NANS: variants seen among roughly 807,000 people sequenced by gnomAD.
NANS encodes N-acetylneuraminate-9-phosphate synthase.
NANS carries 29 observed loss-of-function variants against 33.3 expected under a neutral mutation model. The ratio of observed to expected loss-of-function variants is 0.87; its 90% CI spans 0.65 to 1.19. The LOEUF (loss-of-function observed/expected upper bound fraction) is 1.19. Among genes scored for constraint, NANS ranks in the 50% most tolerant of loss-of-function variants. The pLI is 0.00. For synonymous variants in NANS, 163 were observed against 177.2 expected (o/e 0.92, Z 0.64); for missense variants, 394 against 461.1 (o/e 0.85, Z 1.33).
At chr9:98,061,515 C>G (rs1828979140) in intron 2 of NANS, among the ~76,000 whole-genome samples, 1 of 148,158 alleles carries the variant, frequency 6.7e-6, no homozygotes, top group Non-Finnish European at 1.5e-5. Context: ...GGCGCGGTGT[C>G]TCACACCTGT....
intron 1 of NANS, among the ~76,000 whole-genome samples, chr9:98,060,498 G>T (rs1395141252): frequency 6.6e-6 from 1 of 152,088 alleles, no homozygotes; most frequent in Admixed American, 6.6e-5. Context: ...GCGAAACCTT[G>T]TCTTTACTAA....
At chr9:98,070,675 C>T (rs1461982986) in intron 2 of NANS, among the ~76,000 whole-genome samples, 1 of 152,068 alleles carries the variant, frequency 6.6e-6, no homozygotes, top group Non-Finnish European at 1.5e-5. Flanking sequence ...CCACCTTGTC[C>T]TCCCAAAGTG....
Position 98,056,733 on chromosome 9 carries a change from C to A in NANS, c.-76C>A. On this transcript the variant is annotated 5_prime_UTR_variant, in exon 1 of 6. Transcript: ENST00000210444. ...CGTGTGGGTCTCGCAGCGTTGCTCA[C>A]AGAACAGAGTAGAGGCGGCGGCGGC... is the stretch of plus-strand genomic sequence containing the variant. 6.5e-7 allele frequency: 1 copy of A among 1,545,118 alleles called. No individual in the cohort carries two copies. Among genetic ancestry groups the A allele is most frequent in the South Asian group, 1.2e-5 (1 of 85,032 alleles).
At chr9:98,057,212 T>A (rs183201956) in intron 1 of NANS, among the ~76,000 whole-genome samples, 4 of 152,348 alleles carry the variant, frequency 2.6e-5, no homozygotes, top group Admixed American at 1.3e-4. Flanking sequence ...TCAGACTTGA[T>A]CAGACCATCC....
rs146545774 is a variant in NANS, at chr9:98,059,684, G to A, written c.133-1098G>A. ...CCCACCTTGGCCTCTCAAAGTGTTT[G>A]GATTATAGGCATGGGCCACTGTGCC... On this transcript the variant is annotated intron_variant, in intron 1 of 5. Coordinates refer to ENST00000210444, the MANE Select transcript of NANS (RefSeq NM_018946.4). Among the ~76,000 whole-genome samples the A allele has an allele frequency of 4.7e-3, 714 of 151,368 alleles. 4 individuals are homozygous for A. The highest frequency in any genetic ancestry group is 8.1e-3 in the Non-Finnish European group (550 of 67,912).
At chr9:98,063,342 A>T (rs1829041591) in intron 2 of NANS, among the ~76,000 whole-genome samples, 1 of 151,982 alleles carries the variant, frequency 6.6e-6, no homozygotes, top group African/African-American at 2.4e-5. Context: ...CCCAGGTTCA[A>T]GTTATTCTCA....
chr9:98,065,366 G>A (rs1020111802), intron 2 of NANS, among the ~76,000 whole-genome samples: 5 of 142,706 alleles, frequency 3.5e-5, no homozygotes, highest in East Asian at 2.1e-4. Flanking sequence ...AGGCTGGAGT[G>A]CAATCAATGG....
chr9:98,072,709 G>C (rs1362569594), intron 2 of NANS, among the ~76,000 whole-genome samples: 1 of 152,074 alleles, frequency 6.6e-6, no homozygotes, highest in African/African-American at 2.4e-5. Flanking sequence ...GTGCCCGGCA[G>C]GAAAGTGCAT....
At chr9:98,073,482 A>T (rs1184178904) in intron 2 of NANS, among the ~76,000 whole-genome samples, 1 of 149,958 alleles carries the variant, frequency 6.7e-6, no homozygotes, top group Admixed American at 6.6e-5. Flanking sequence ...GCGGGGTTTC[A>T]CCATGTTGGC....
intron 2 of NANS, among the ~76,000 whole-genome samples, chr9:98,065,650 T>C (rs1829125566): frequency 6.6e-6 from 1 of 151,716 alleles, no homozygotes; most frequent in South Asian, 2.1e-4. Context: ...CTTTTTTTTT[T>C]TTCCCCCTGG....
rs1234139229 is a variant in NANS, at chr9:98,082,971, CAAG to C, written c.1000_1002del (p.Lys334del). ...CTGAAGACATCTTTAATCTAGTGGG[CAAG>C]AAGGTCCTGGTCACTGTTGAAGAGG... On this transcript the variant is annotated inframe_deletion, in exon 6 of 6. Transcript: ENST00000210444. 8 of 1,614,094 alleles carry C rather than the reference CAAG, an allele frequency of 5.0e-6. No homozygotes were observed. Among genetic ancestry groups the C allele is most frequent in the Non-Finnish European group, 6.8e-6 (8 of 1,180,032 alleles).
chr9:98,060,182 T>C (rs567207854), intron 1 of NANS, among the ~76,000 whole-genome samples: 39 of 151,992 alleles, frequency 2.6e-4, no homozygotes, highest in African/African-American at 8.2e-4. Flanking sequence ...TTTGATCCAA[T>C]GTTTTTAATA....
chr9:98,073,924 C>T (rs566921348), intron 2 of NANS, among the ~76,000 whole-genome samples: 5 of 152,188 alleles, frequency 3.3e-5, no homozygotes, highest in Admixed American at 2.6e-4. Flanking sequence ...GTAGCTGGGA[C>T]TGCAGGCACA....
chr9:98,064,553 C>T (rs577731694), intron 2 of NANS, among the ~76,000 whole-genome samples: 1 of 152,164 alleles, frequency 6.6e-6, no homozygotes, highest in South Asian at 2.1e-4. Flanking sequence ...ACCGCACCCG[C>T]CCTAATTCCC....
chr9:98,071,510 C>G (rs1294040264), intron 2 of NANS, among the ~76,000 whole-genome samples: 1 of 152,140 alleles, frequency 6.6e-6, no homozygotes, highest in Non-Finnish European at 1.5e-5. Flanking sequence ...TAAATGTGAT[C>G]GTTAATATAA....
At chr9:98,077,826 G>T (rs113657677) in intron 3 of NANS, among the ~76,000 whole-genome samples, 25 of 152,272 alleles carry the variant, frequency 1.6e-4, no homozygotes, top group African/African-American at 5.8e-4. Context: ...AGAAGTGGCA[G>T]CTCCACACCT....
At chr9:98,073,539 TC>T (rs1412955138) in intron 2 of NANS, among the ~76,000 whole-genome samples, 1 of 151,132 alleles carries the variant, frequency 6.6e-6, no homozygotes. Context: ...CGCCACGGCC[TC>T]CCAAAGTGCT....
At chr9:98,071,977 TAGGG>T (rs2131638049) in intron 2 of NANS, among the ~76,000 whole-genome samples, 1 of 152,306 alleles carries the variant, frequency 6.6e-6, no homozygotes, top group African/African-American at 2.4e-5. Context: ...AGTTGGGTGA[TAGGG>T]AGGAGTCTGG....
intron 1 of NANS, among the ~76,000 whole-genome samples, chr9:98,059,865 T>C (rs370239974): frequency 2.3e-3 from 346 of 152,284 alleles, no homozygotes; most frequent in African/African-American, 8.0e-3. Flanking sequence ...GAAAATGTCA[T>C]GGAGAAAAGC....
Sources: allele counts gnomAD v4.1 joint callset (sites outside exome capture counted in the v4.1 genomes callset), GRCh38; gene constraint gnomAD v4.1.1; transcripts MANE v1.5; gene names NCBI Gene and HGNC (gene_info 2026-07-23, HGNC 2026-07-21).